COX7A2: variants seen among roughly 807,000 people sequenced by gnomAD.
COX7A2 encodes cytochrome c oxidase subunit 7A2, mitochondrial.
A neutral mutation model predicts 11.6 loss-of-function variants in COX7A2; 11 were observed. The ratio of observed to expected loss-of-function variants is 0.95; its 90% CI spans 0.60 to 1.57. COX7A2 has a LOEUF of 1.57. Ranked by LOEUF, COX7A2 falls within the 40% of genes most tolerant of loss-of-function variation. COX7A2 has a pLI of 0.00. For synonymous variants in COX7A2, 30 were observed against 38.2 expected, an observed-to-expected ratio of 0.78 and a Z score of 0.79; for missense variants, 106 against 100.9, an observed-to-expected ratio of 1.05 and a Z score of -0.22.
At chr6:75,240,497 A>G (rs1771466114) in intron 2 of COX7A2, 112 bp from the exon 3 acceptor site, 2 of 663,182 alleles carry the variant, frequency 3.0e-6, no homozygotes, top group Non-Finnish European at 4.8e-6. Flanking sequence ...CCCTAGAATT[A>G]AAGTATTTTA....
Position 75,240,356 on chromosome 6 carries a change from C to A in COX7A2, c.138G>T (p.Lys46Asn). ...QEDDEIPLYL[K>N]GGVADALLYR... ...ACAGGAGGGCATCAGCTACCCCACC[C>A]TTTAGATACAGTGGAATTTCATCAT... is the stretch of plus-strand genomic sequence containing the variant. The change falls in exon 3 of 4, where the codon AAG (lysine) becomes AAT (asparagine). Residue 46 changes from lysine to asparagine, a missense_variant. By Grantham distance (94) the Lys-to-Asn change is moderately conservative. Transcript: ENST00000684430. 2.5e-6 allele frequency: 4 copies of A among 1,594,030 alleles called. No individual in the cohort carries two copies. Among genetic ancestry groups the A allele is most frequent in the Non-Finnish European group, 2.6e-6 (3 of 1,171,238 alleles).
At chr6:75,244,140 T>A (rs1771626381), upstream of COX7A2, 3 of 237,820 alleles carry the variant, frequency 1.3e-5, no homozygotes, top group Admixed American at 1.1e-4. Context: ...TTGAAGCCGC[T>A]AGAAACTGAA....
intron 1 of COX7A2, among the ~76,000 whole-genome samples, chr6:75,249,073 T>C (rs1771740724): frequency 6.6e-6 from 1 of 152,214 alleles, no homozygotes; most frequent in South Asian, 2.1e-4. Flanking sequence ...CTGGCCAACA[T>C]GGTGAAACCC....
chr6:75,242,685 T>G (rs1164105564), intron 1 of COX7A2, among the ~76,000 whole-genome samples: 1 of 151,738 alleles, frequency 6.6e-6, no homozygotes. Context: ...TAGGGCTTGG[T>G]GGCGAGCGCC....
chr6:75,240,088 C>G (rs1201389101), intron 3 of COX7A2, among the ~76,000 whole-genome samples: 1 of 151,092 alleles, frequency 6.6e-6, no homozygotes, highest in East Asian at 1.9e-4. Flanking sequence ...GCAACAGGAG[C>G]AAAACTCCAT....
upstream of COX7A2, among the ~76,000 whole-genome samples, chr6:75,248,081 C>CTTTTTTTTTTTTTTTTTTTTTTTTTTT (rs905344722): frequency 9.4e-5 from 1 of 10,676 alleles, no homozygotes; most frequent in African/African-American, 3.0e-4. Context: ...CATCCTTTAT[C>CTTTTTTTTTTTTTTTTTTTTTTTTTTT]TTTTTTTTTT....
In COX7A2 at chr6:75,237,918, G is replaced by A. The variant is rs1217812261; in HGVS notation, c.*12C>T. ...ATGAAACTGAACCAAGCGATTGCTG[G>A]GATGACTGAAGTCACTCCTGCTTCT... On this transcript the variant is annotated 3_prime_UTR_variant, in exon 4 of 4. Coordinates refer to ENST00000684430, the MANE Select transcript of COX7A2 (RefSeq NM_001366293.2). 2.5e-6 allele frequency: 4 copies of A among 1,604,380 alleles called. No individual in the cohort carries two copies. The highest frequency in any genetic ancestry group is 3.4e-6 in the Non-Finnish European group (4 of 1,173,014).
upstream of COX7A2, among the ~76,000 whole-genome samples, chr6:75,245,179 A>C (rs1771652923): frequency 6.6e-6 from 1 of 152,214 alleles, no homozygotes; most frequent in Non-Finnish European, 1.5e-5. Context: ...AGATCTAAGA[A>C]GCTTATGACC....
At chr6:75,246,712 ATCTG>A (rs1771688095), upstream of COX7A2, among the ~76,000 whole-genome samples, 1 of 152,194 alleles carries the variant, frequency 6.6e-6, no homozygotes, top group South Asian at 2.1e-4. Flanking sequence ...AATTCAAAAC[ATCTG>A]TCTTAGTACT....
In COX7A2 at chr6:75,243,777, C is replaced by T. The variant is rs778258296; in HGVS notation, c.-43G>A. On this transcript the variant is annotated 5_prime_UTR_variant, in exon 1 of 4. Coordinates refer to ENST00000684430, the MANE Select transcript of COX7A2 (RefSeq NM_001366293.2). ...AGCAACCGCCACAACTGAACACCAC[C>T]AACGAAAATGGCCACGCCGGAACCG... 10 of 1,614,144 alleles carry T rather than the reference C, an allele frequency of 6.2e-6. No homozygotes were observed. The East Asian group carries it at 1.6e-4, about 25-fold the overall frequency.
chr6:75,243,838 C>A (rs780168304), upstream of COX7A2: 23 of 1,613,402 alleles, frequency 1.4e-5, no homozygotes, highest in East Asian at 4.9e-4. Context: ...CATTCACGAA[C>A]TTAAATCTTT....
At chr6:75,238,939 C>T (rs772884660) in intron 3 of COX7A2, among the ~76,000 whole-genome samples, 4 of 151,880 alleles carry the variant, frequency 2.6e-5, no homozygotes, top group East Asian at 2.0e-4. Flanking sequence ...CTCAGCTTCA[C>T]GAGTAGCTGG....
At chr6:75,241,082 T>C in intron 2 of COX7A2, 94 bp downstream of exon 2, 1 of 1,430,184 alleles carries the variant, frequency 7.0e-7, no homozygotes, top group East Asian at 2.3e-5. Flanking sequence ...TATTGTCATA[T>C]GATCTAATTT....
chr6:75,243,829 A>G (rs567714403), upstream of COX7A2: 3 of 1,613,716 alleles, frequency 1.9e-6, no homozygotes, highest in Non-Finnish European at 2.5e-6. Flanking sequence ...TTGCGTATGC[A>G]TTCACGAACT....
chr6:75,238,704 C>CAA (rs35057968), intron 3 of COX7A2, among the ~76,000 whole-genome samples: 121 of 55,694 alleles, frequency 2.2e-3, no homozygotes, highest in African/African-American at 4.4e-3. Flanking sequence ...AACTCCATCT[C>CAA]AAAAAAAAAA....
intron 1 of COX7A2, among the ~76,000 whole-genome samples, chr6:75,249,461 G>T (rs1038812313): frequency 6.6e-6 from 1 of 152,182 alleles, no homozygotes; most frequent in East Asian, 1.9e-4. Flanking sequence ...GCCATTTAGT[G>T]GTAGTGACAT....
upstream of COX7A2, among the ~76,000 whole-genome samples, chr6:75,244,686 T>C (rs1289927085): frequency 1.3e-5 from 2 of 152,222 alleles, no homozygotes; most frequent in Non-Finnish European, 2.9e-5. Flanking sequence ...ACAAATTATT[T>C]GATTGCCATT....
At chr6:75,239,616 C>T (rs1377025989) in intron 3 of COX7A2, among the ~76,000 whole-genome samples, 1 of 152,172 alleles carries the variant, frequency 6.6e-6, no homozygotes, top group Non-Finnish European at 1.5e-5. Context: ...ATAAATATGT[C>T]TGTACAAAGT....
upstream of COX7A2, chr6:75,243,866 T>G: frequency 6.3e-7 from 1 of 1,592,360 alleles, no homozygotes; most frequent in Admixed American, 1.7e-5. Flanking sequence ...GAAGAGAGGC[T>G]TGCGCTCCTA....
Sources: allele counts gnomAD v4.1 joint callset (sites outside exome capture counted in the v4.1 genomes callset), GRCh38; gene constraint gnomAD v4.1.1; transcripts MANE v1.5; gene names NCBI Gene and HGNC (gene_info 2026-07-23, HGNC 2026-07-21).